The following RCOR3 variants were observed in gnomAD, a reference collection of about 807,000 sequenced individuals.
RCOR3 encodes the protein REST corepressor 3.
Under a neutral mutation model 64.1 loss-of-function variants are expected in RCOR3, and 13 were observed. The ratio of observed to expected loss-of-function variants is 0.20; its 90% confidence interval spans 0.13 to 0.32. The LOEUF (loss-of-function observed/expected upper bound fraction) is 0.32, where lower values mean the gene tolerates loss of function less well. Among genes scored for constraint, RCOR3 ranks in the 10% least tolerant of loss-of-function variants. The pLI is 1.00. For missense variants in RCOR3, 489 were observed against 701.2 expected, an observed-to-expected ratio of 0.70 and a Z score of 3.42; for synonymous variants, 215 against 239.0, an observed-to-expected ratio of 0.90 and a Z score of 0.93.
intron 5 of RCOR3, among the ~76,000 whole-genome samples, chr1:211,277,832 T>C (rs564488825): frequency 6.6e-6 from 1 of 152,324 alleles, no homozygotes; most frequent in Non-Finnish European, 1.5e-5. Context: ...TTACATATAT[T>C]GAATACTAAC....
At chr1:211,260,250 C>T (rs1405916400) in intron 2 of RCOR3, 86 bp downstream of exon 2, 4 of 1,281,570 alleles carry the variant, frequency 3.1e-6, no homozygotes, top group South Asian at 2.4e-5. Context: ...GGGCATGGGG[C>T]CGGGAGGGGA....
intron 7 of RCOR3, 107 bp from the exon 8 acceptor site, chr1:211,289,067 GTTTT>G: frequency 1.3e-6 from 1 of 784,268 alleles, no homozygotes; most frequent in Non-Finnish European, 2.1e-6. Flanking sequence ...GGTTAGAAGT[GTTTT>G]TTTATGTGTA....
intron 2 of RCOR3, among the ~76,000 whole-genome samples, chr1:211,263,930 G>A (rs533344459): frequency 2.0e-5 from 3 of 151,918 alleles, no homozygotes; most frequent in African/African-American, 7.3e-5. Flanking sequence ...AAGCAATTCT[G>A]CCTCAGCCTC....
At chr1:211,270,708 A>T (rs1313613058) in intron 2 of RCOR3, among the ~76,000 whole-genome samples, 1 of 152,206 alleles carries the variant, frequency 6.6e-6, no homozygotes, top group Non-Finnish European at 1.5e-5. Flanking sequence ...TTTAAAAGGG[A>T]TAAACCGGCA....
intron 2 of RCOR3, among the ~76,000 whole-genome samples, chr1:211,270,542 A>G (rs1489861914): frequency 6.3e-5 from 2 of 31,598 alleles, no homozygotes; most frequent in Non-Finnish European, 1.6e-4. Context: ...CCATTTAGAC[A>G]TGGGGCAAAA....
In RCOR3 at chr1:211,259,644, C is replaced by T; in HGVS notation, c.84C>T (p.Gly28=). 1.9e-6 allele frequency: 3 copies of T among 1,547,112 alleles called. No homozygotes were observed. The highest frequency in any genetic ancestry group is 1.4e-5 in the African/African-American group (1 of 72,614). Residue 28 remains glycine, a synonymous_variant, in exon 1 of 12, where the codon GGC becomes GGT. Transcript: ENST00000419091. The part of the protein sequence containing the change: ...ANGSAKSPAG[G]GGSGASSTNG... ...GCAGCGCCAAGAGCCCGGCAGGCGG[C>T]GGCGGCAGCGGCGCCTCGTCCACCA... is the stretch of plus-strand genomic sequence containing the variant.
chr1:211,275,076 C>A (rs1696778222), intron 4 of RCOR3, among the ~76,000 whole-genome samples: 1 of 151,238 alleles, frequency 6.6e-6, no homozygotes, highest in African/African-American at 2.4e-5. Context: ...ATATATGGTA[C>A]ATTACCCTTA....
At chr1:211,276,168 A>G in intron 4 of RCOR3, 89 bp from the exon 5 acceptor site, 2 of 1,300,190 alleles carry the variant, frequency 1.5e-6, no homozygotes, top group South Asian at 3.0e-5. Context: ...TCATAGGCTT[A>G]AGATTTTAAT....
At chr1:211,263,444 C>CTG (rs10667501) in intron 2 of RCOR3, among the ~76,000 whole-genome samples, 145,554 of 152,218 alleles carry the variant, frequency 0.96, 69,658 homozygotes, top group East Asian at 1. Flanking sequence ...TTTACTCAGA[C>CTG]TAATTGAATT....
intron 7 of RCOR3, among the ~76,000 whole-genome samples, chr1:211,279,803 C>T (rs1697519970): frequency 6.6e-6 from 1 of 152,172 alleles, no homozygotes. Context: ...TTCGAATCTC[C>T]TTCTTTCCCA....
chr1:211,309,412 T>C (rs1277697711), intron 10 of RCOR3, among the ~76,000 whole-genome samples: 3 of 152,252 alleles, frequency 2.0e-5, no homozygotes, highest in South Asian at 2.1e-4. Context: ...TAATGACTTA[T>C]ATTTTTATGT....
intron 9 of RCOR3, among the ~76,000 whole-genome samples, chr1:211,301,125 A>G (rs1247027798): frequency 6.6e-6 from 1 of 152,148 alleles, no homozygotes; most frequent in African/African-American, 2.4e-5. Flanking sequence ...TTATAGGCCA[A>G]TTTTAGACCT....
rs954951050 is a variant in RCOR3 at position 211,289,143 on chromosome 1, C to T, written c.721-35C>T. On this transcript the variant is annotated intron_variant, in intron 7 of 11. Coordinates refer to ENST00000419091, the MANE Select transcript of RCOR3 (RefSeq NM_001136223.3). ...TTTTCACTTTATACATTTGTGAAAA[C>T]CAAGTGACCTGTTATTCTGCTTTTA... 8 of 1,523,994 alleles carry T rather than the reference C, an allele frequency of 5.2e-6. No individual in the cohort carries two copies. The Admixed American group carries it at 1.0e-4, about 19-fold the overall frequency. The allele number at this position is 1,523,994 out of a possible 1,614,324, so 94.4% of individuals were successfully genotyped here.
chr1:211,313,579 T>C lies in RCOR3; in HGVS notation c.1473T>C (p.Pro491=). 6.2e-7 allele frequency: 1 copy of C among 1,614,102 alleles called. No individual in the cohort carries two copies. The highest frequency in any genetic ancestry group is 8.5e-7 in the Non-Finnish European group (1 of 1,180,018). The part of the protein sequence containing the change: ...PAAPALHRQP[P]PLQQQARFIQ... ...CCCCGGCTCTTCACCGGCAGCCTCC[T>C]CCACTCCAGCAGCAGGCTCGGTTCA... The change falls in exon 12 of 12, where the codon CCT becomes CCC. Residue 491 remains proline (P), a synonymous_variant. Transcript: ENST00000419091. This position sits in a 1 kb window ranked among gnomAD's most constrained non-coding sequence, Gnocchi z 4.7.
Position 211,259,998 on chromosome 1 carries a change from C to G in RCOR3, c.167-110C>G, listed in dbSNP as rs891156180. Reference sequence around the variant, plus strand: ...CCGAGTTGATATCTTCCCATCCACCCGCCGCTTCTTTCCTCCATCTAGCGA... The same window carrying G: ...CCGAGTTGATATCTTCCCATCCACCGGCCGCTTCTTTCCTCCATCTAGCGA... On this transcript the variant is annotated intron_variant, in intron 1 of 11. Coordinates refer to ENST00000419091, the MANE Select transcript of RCOR3 (RefSeq NM_001136223.3). 4 of 1,410,538 alleles carry G rather than the reference C, an allele frequency of 2.8e-6. No individual in the cohort carries two copies. The South Asian group carries it at 5.0e-5, about 17-fold the overall frequency. The allele number at this position is 1,410,538 out of a possible 1,614,324, so 87.4% of individuals were successfully genotyped here.
intron 4 of RCOR3, among the ~76,000 whole-genome samples, chr1:211,274,831 A>C (rs1480086043): frequency 2.0e-5 from 3 of 151,858 alleles, no homozygotes; most frequent in Non-Finnish European, 4.4e-5. Flanking sequence ...CTTCAAATAA[A>C]AATTGTAACA....
chr1:211,276,507 A>G (rs1435553697), intron 5 of RCOR3, 89 bp downstream of exon 5: 8 of 1,164,624 alleles, frequency 6.9e-6, no homozygotes, highest in Non-Finnish European at 9.6e-6. Context: ...ATACAAAAAC[A>G]TTCTTCAATT....
intron 10 of RCOR3, among the ~76,000 whole-genome samples, chr1:211,308,661 GTTTTTTTTTTT>G (rs1701119578): frequency 6.2e-4 from 17 of 27,484 alleles, no homozygotes; most frequent in Non-Finnish European, 1.1e-3. Context: ...TTTTGGATGT[GTTTTTTTTTTT>G]GTTTTTTTTT....
chr1:211,279,427 T>C (rs977710488), intron 7 of RCOR3, 111 bp downstream of exon 7: 12 of 701,224 alleles, frequency 1.7e-5, no homozygotes, highest in African/African-American at 1.6e-4. Context: ...TATGAGATAG[T>C]AAATTTCAGT....
Sources: allele counts gnomAD v4.1 joint callset (sites outside exome capture counted in the v4.1 genomes callset), GRCh38; gene constraint gnomAD v4.1.1; non-coding constraint Gnocchi (gnomAD v3.1); transcripts MANE v1.5; gene names NCBI Gene and HGNC (gene_info 2026-07-23, HGNC 2026-07-21).